Variants in RNF150 observed in about 807,000 individuals in gnomAD.
RNF150 encodes ring finger protein 150.
Under a neutral mutation model 39.3 loss-of-function variants are expected in RNF150, and 24 were observed. That is an observed-to-expected ratio of 0.61 (90% confidence interval 0.44 to 0.86). RNF150 has a LOEUF of 0.86. RNF150 is among the 40% of genes least tolerant of loss of function. RNF150 has a pLI of 0.00. For synonymous variants in RNF150, 255 were observed against 227.3 expected, an observed-to-expected ratio of 1.12 and a Z score of -1.10; for missense variants, 502 against 587.8, an observed-to-expected ratio of 0.85 and a Z score of 1.51.
At chr4:141,181,966 A>G (rs1425695275) in intron 1 of RNF150, among the ~76,000 whole-genome samples, 1 of 152,166 alleles carries the variant, frequency 6.6e-6, no homozygotes, top group Non-Finnish European at 1.5e-5. Context: ...GTTCCAACCT[A>G]AGGAGAGGTA....
chr4:141,196,084 C>T (rs1323899224), intron 1 of RNF150, among the ~76,000 whole-genome samples: 1 of 151,996 alleles, frequency 6.6e-6, no homozygotes, highest in Admixed American at 6.6e-5. Flanking sequence ...GTGAAGAAAC[C>T]CCAAGAAACA....
At chr4:141,018,437 T>C (rs2110775653) in intron 1 of RNF150, among the ~76,000 whole-genome samples, 1 of 152,300 alleles carries the variant, frequency 6.6e-6, no homozygotes, top group South Asian at 2.1e-4. Context: ...CAGTGTTTCT[T>C]TCTTTCTTAC....
At position 140,866,575 on chromosome 4, in the gene RNF150, G is replaced by GA. The variant is rs1728718463; in HGVS notation, c.*1685dup. The GA allele has an allele frequency of 6.6e-6, 1 of 152,172 alleles. No homozygotes were observed. 9.4% of individuals were successfully genotyped at this position (152,172 alleles called of 1,614,324 possible). A position where few individuals can be genotyped will look rare whatever the true frequency, so the allele number is the denominator to read the frequency against. Reference sequence around the variant, plus strand: ...CAAATAGGAAATTGGTAAAGGTGGTGAAAAAGGAGCAGCTAGTATTCTCCG... The same window carrying GA: ...CAAATAGGAAATTGGTAAAGGTGGTGAAAAAAGGAGCAGCTAGTATTCTCCG... On this transcript the variant is annotated 3_prime_UTR_variant, in exon 7 of 7. Coordinates refer to ENST00000515673, the MANE Select transcript of RNF150 (RefSeq NM_020724.2).
chr4:140,877,047 A>AGCCTGTATATTAAATTAGAT (rs1729183550), intron 6 of RNF150, among the ~76,000 whole-genome samples: 1 of 152,210 alleles, frequency 6.6e-6, no homozygotes, highest in African/African-American at 2.4e-5. Flanking sequence ...TTAAATTAGA[A>AGCCTGTATATTAAATTAGAT]GCCTGTATAT....
rs17338710 is a variant in RNF150 at position 140,914,278 on chromosome 4, C to T, written c.988-2924G>A. Among the ~76,000 whole-genome samples, 256 of 152,020 alleles carry T rather than the reference C, an allele frequency of 1.7e-3. 3 individuals are homozygous for T. Among genetic ancestry groups the T allele is most frequent in the South Asian group, 4.1e-3 (20 of 4,830 alleles). ...TATAATATTTAACAGACCAAGTTTA[C>T]AGAACCTCACAGATTATATCCACTC... On this transcript the variant is annotated intron_variant, in intron 5 of 6. Transcript: ENST00000515673.
chr4:141,079,330 A>C (rs547834847), intron 1 of RNF150, among the ~76,000 whole-genome samples: 26 of 152,322 alleles, frequency 1.7e-4, no homozygotes, highest in Middle Eastern at 3.4e-3. Context: ...GTAGGCCATT[A>C]AAACTCCTAA....
At chr4:140,976,604 C>G (rs1733673871) in intron 1 of RNF150, among the ~76,000 whole-genome samples, 3 of 152,002 alleles carry the variant, frequency 2.0e-5, no homozygotes, top group African/African-American at 7.3e-5. Context: ...GCCACTTCCT[C>G]TTCTTCCAGA....
rs571327062 is a variant in RNF150, at chr4:140,914,637, T to G, written c.988-3283A>C. The stretch of plus-strand genomic sequence containing the variant: ...CTTAGAAGAGGATTTGCTGAAACTG[T>G]ATTCTGTCATTCTATCAAGACAGAC... On this transcript the variant is annotated intron_variant, in intron 5 of 6. Coordinates refer to ENST00000515673, the MANE Select transcript of RNF150 (RefSeq NM_020724.2). Among the ~76,000 whole-genome samples, 17 of 152,288 alleles carry G rather than the reference T, an allele frequency of 1.1e-4. No homozygotes were observed. The South Asian group carries it at 3.5e-3, about 32-fold the overall frequency.
At chr4:140,997,009 T>C (rs889084783) in intron 1 of RNF150, 7 of 152,378 alleles carry the variant, frequency 4.6e-5, no homozygotes, top group Admixed American at 1.3e-4. Flanking sequence ...CTCTCTCATA[T>C]TTCAGACCCA....
chr4:140,929,758 A>G (rs1224396554), intron 4 of RNF150, among the ~76,000 whole-genome samples: 3 of 152,124 alleles, frequency 2.0e-5, no homozygotes, highest in Non-Finnish European at 4.4e-5. Flanking sequence ...GGCATTTTGT[A>G]GATGTGGTTA....
At chr4:140,924,012 C>A (rs1384547926) in intron 5 of RNF150, among the ~76,000 whole-genome samples, 2 of 152,034 alleles carry the variant, frequency 1.3e-5, no homozygotes. Context: ...AGGAGATATA[C>A]CTAATGCTAA....
chr4:140,892,732 G>A (rs571604387), intron 6 of RNF150, among the ~76,000 whole-genome samples: 1 of 152,166 alleles, frequency 6.6e-6, no homozygotes, highest in Non-Finnish European at 1.5e-5. Flanking sequence ...CCTTCCCCCT[G>A]GGGAGGGATG....
intron 1 of RNF150, among the ~76,000 whole-genome samples, chr4:141,120,521 A>G (rs1210278217): frequency 6.6e-6 from 1 of 152,236 alleles, no homozygotes; most frequent in Non-Finnish European, 1.5e-5. Context: ...AACTTAAAAA[A>G]TAATGAGTTG....
chr4:140,896,693 A>AAAAC (rs1729959117), intron 6 of RNF150, among the ~76,000 whole-genome samples: 2 of 88,962 alleles, frequency 2.2e-5, no homozygotes, highest in Non-Finnish European at 4.6e-5. Flanking sequence ...ATAATAAAAA[A>AAAAC]AAAAAAACAA....
chr4:141,077,795 T>G (rs1008661991), intron 1 of RNF150, among the ~76,000 whole-genome samples: 2 of 152,272 alleles, frequency 1.3e-5, no homozygotes, highest in Non-Finnish European at 2.9e-5. Context: ...ATCCTGGCCC[T>G]GTGCCCATGC....
chr4:140,959,628 G>A (rs191882951), intron 2 of RNF150, among the ~76,000 whole-genome samples: 1 of 152,250 alleles, frequency 6.6e-6, no homozygotes, highest in East Asian at 1.9e-4. Context: ...CGAGTGAAGA[G>A]GGTGGCTGTG....
At position 140,950,855 on chromosome 4, in the gene RNF150, T is replaced by C. The variant is rs556272289; in HGVS notation, c.736-1483A>G. On this transcript the variant is annotated intron_variant, in intron 2 of 6. Transcript: ENST00000515673. Reference sequence around the variant, plus strand: ...TCTAAAATAATGTTGACATTTTAATTAGAAGGATAAGTTTTGGCTGTTTCC... The same window carrying C: ...TCTAAAATAATGTTGACATTTTAATCAGAAGGATAAGTTTTGGCTGTTTCC... 5.9e-5 allele frequency among the ~76,000 whole-genome samples: 9 copies of C among 152,356 alleles called. No individual in the cohort carries two copies. The South Asian group carries it at 1.9e-3, about 32-fold the overall frequency.
intron 1 of RNF150, among the ~76,000 whole-genome samples, chr4:141,104,895 GTC>G (rs1271774037): frequency 1.3e-4 from 20 of 150,302 alleles, no homozygotes; most frequent in Non-Finnish European, 1.3e-4. Context: ...TGATGAGGCT[GTC>G]TCTCTCTCTC....
At chr4:140,923,819 T>C (rs1303025786) in intron 5 of RNF150, among the ~76,000 whole-genome samples, 2 of 152,146 alleles carry the variant, frequency 1.3e-5, no homozygotes, top group Non-Finnish European at 1.5e-5. Flanking sequence ...ATGTCCTTTG[T>C]AGGGACATGG....
Sources: gnomAD v4.1 joint callset for allele counts (sites outside exome capture counted in the v4.1 genomes callset) on GRCh38, gnomAD v4.1.1 for gene constraint, MANE v1.5 for transcripts, NCBI Gene and HGNC (gene_info 2026-07-23, HGNC 2026-07-21) for gene names.